Variants in STT3A observed in about 807,000 individuals in gnomAD.
STT3A encodes the protein STT3 oligosaccharyltransferase complex catalytic subunit A.
In STT3A, 34 loss-of-function variants were observed where a neutral mutation model predicts 89.2. That is an observed-to-expected ratio of 0.38 (90% CI 0.29 to 0.51). The LOEUF is 0.51. STT3A is among the 20% of genes least tolerant of loss of function. STT3A has a pLI of 0.89. For missense variants in STT3A, 555 were observed against 889.5 expected (o/e 0.62, Z 4.78); for synonymous variants, 282 against 310.3 (o/e 0.91, Z 0.96).
intron 6 of STT3A, among the ~76,000 whole-genome samples, chr11:125,604,600 T>A (rs1269693178): frequency 1.3e-5 from 2 of 152,224 alleles, no homozygotes; most frequent in African/African-American, 4.8e-5. Flanking sequence ...TTGTTGAATG[T>A]TATTGGGAAA....
chr11:125,609,668 C>T (rs1026139132), intron 10 of STT3A, 79 bp downstream of exon 10: 9 of 1,532,314 alleles, frequency 5.9e-6, no homozygotes, highest in Admixed American at 2.1e-5. Flanking sequence ...TACCCTCATT[C>T]GTGTTTTGTT....
In STT3A at chr11:125,612,623, T is replaced by A; in HGVS notation, c.1241T>A (p.Met414Lys). 1 of 1,614,220 alleles carries A rather than the reference T, an allele frequency of 6.2e-7. No homozygotes were observed. The highest frequency in any genetic ancestry group is 8.5e-7 in the Non-Finnish European group (1 of 1,180,042). The part of the protein sequence containing the change: ...VRLMLVLAPV[M>K]CILSGIGVSQ... ...CTAATGCTAGTGTTGGCACCTGTTA[T>A]GTGCATTCTCTCTGGCATTGGAGTC... Residue 414 changes from methionine to lysine, a missense_variant, in exon 12 of 18, where the codon ATG becomes AAG. Met to Lys is a moderately conservative substitution (Grantham distance 95). This residue lies in a region of STT3A where 273 missense variants were observed against 449.8 expected (regional missense o/e 0.61). Coordinates refer to ENST00000392708, the MANE Select transcript of STT3A (RefSeq NM_152713.5).
chr11:125,598,613 C>G (rs1333169375), intron 3 of STT3A, among the ~76,000 whole-genome samples: 1 of 151,794 alleles, frequency 6.6e-6, no homozygotes, highest in Non-Finnish European at 1.5e-5. Flanking sequence ...TTTGTTTTTT[C>G]TTTTTTTGTT....
chr11:125,604,758 G>C (rs1939783598), intron 6 of STT3A, among the ~76,000 whole-genome samples: 1 of 152,196 alleles, frequency 6.6e-6, no homozygotes, highest in South Asian at 2.1e-4. Flanking sequence ...CCAGTGACAG[G>C]AGATAGTACT....
At chr11:125,620,662 G>T in intron 17 of STT3A, 110 bp from the exon 18 acceptor site, 1 of 971,456 alleles carries the variant, frequency 1.0e-6, no homozygotes. Flanking sequence ...CCTAAACCAG[G>T]CTGCAGAACC....
At chr11:125,611,954 C>T (rs1262471002) in intron 11 of STT3A, among the ~76,000 whole-genome samples, 1 of 144,154 alleles carries the variant, frequency 6.9e-6, no homozygotes, top group Non-Finnish European at 1.5e-5. Context: ...CCCGGCTCAC[C>T]ACAACTGCCG....
At chr11:125,612,368 T>C (rs1940052202) in intron 11 of STT3A, among the ~76,000 whole-genome samples, 2 of 152,242 alleles carry the variant, frequency 1.3e-5, no homozygotes, top group Non-Finnish European at 2.9e-5. Context: ...ATATACTTTA[T>C]ATCATTATTC....
intron 15 of STT3A, among the ~76,000 whole-genome samples, chr11:125,615,147 G>C (rs1234994357): frequency 6.6e-6 from 1 of 152,036 alleles, no homozygotes; most frequent in Non-Finnish European, 1.5e-5. Context: ...CATGCCTGTA[G>C]TCTTAGCTAC....
Position 125,613,688 on chromosome 11 carries a change from G to A in STT3A, c.1555-399G>A, listed in dbSNP as rs1455988452. The A allele has an allele frequency of 1.7e-5, 3 of 171,868 alleles. No homozygotes were observed. Among genetic ancestry groups the A allele is most frequent in the Non-Finnish European group, 3.7e-5 (3 of 80,408 alleles). The allele number at this position is 171,868 out of a possible 1,614,324, so 10.6% of individuals were successfully genotyped here. ...AAGAGTCTCTTAATTCTTGTCCATC[G>A]TATCATGTGATTTGAGTTTCCACCC... On this transcript the variant is annotated intron_variant, in intron 13 of 17. Transcript: ENST00000392708. This position sits in a 1 kb window ranked among gnomAD's most constrained non-coding sequence, Gnocchi z 4.2.
intron 15 of STT3A, among the ~76,000 whole-genome samples, chr11:125,616,010 G>A (rs1032825695): frequency 6.6e-6 from 1 of 152,124 alleles, no homozygotes; most frequent in Non-Finnish European, 1.5e-5. Flanking sequence ...CTGCACCCCA[G>A]CCTGGGTGAC....
chr11:125,620,263 C>T (rs548338666), intron 17 of STT3A, 137 bp downstream of exon 17: 1 of 663,806 alleles, frequency 1.5e-6, no homozygotes, highest in South Asian at 2.1e-5. Context: ...CTTGCAAACT[C>T]ACTGAAAATT....
intron 8 of STT3A, 44 bp downstream of exon 8, chr11:125,606,509 A>G (rs898560344): frequency 4.4e-6 from 7 of 1,573,408 alleles, no homozygotes; most frequent in African/African-American, 2.7e-5. Flanking sequence ...TACTTTTTCT[A>G]TGCAGCCCCA....
chr11:125,621,296 G>C lies in STT3A; in HGVS notation c.*486G>C, dbSNP rs1382594704. 1 of 152,464 alleles carries C rather than the reference G, an allele frequency of 6.6e-6. No homozygotes were observed. Among genetic ancestry groups the C allele is most frequent in the East Asian group, 1.9e-4 (1 of 5,206 alleles). The allele number at this position is 152,464 out of a possible 1,614,324, so 9.4% of individuals were successfully genotyped here. A position where few individuals can be genotyped will look rare whatever the true frequency, so the allele number is the denominator to read the frequency against. ...CACCTAGTACAATTCCTTGGAAACA[G>C]CGTGGCTCAATAAATTTTTATTGAA... On this transcript the variant is annotated 3_prime_UTR_variant, in exon 18 of 18. Coordinates refer to ENST00000392708, the MANE Select transcript of STT3A (RefSeq NM_152713.5).
intron 3 of STT3A, among the ~76,000 whole-genome samples, chr11:125,600,137 G>A (rs907544081): frequency 6.7e-6 from 1 of 148,670 alleles, no homozygotes; most frequent in African/African-American, 2.5e-5. Flanking sequence ...CACAACCTCT[G>A]CCTCCCGGGT....
At chr11:125,606,510 T>C in intron 8 of STT3A, 45 bp downstream of exon 8, 2 of 1,575,146 alleles carry the variant, frequency 1.3e-6, no homozygotes, top group Non-Finnish European at 1.7e-6. Flanking sequence ...ACTTTTTCTA[T>C]GCAGCCCCAA....
At position 125,619,994 on chromosome 11, in the gene STT3A, T is replaced by C; in HGVS notation, c.1964-17T>C. 1 of 1,608,632 alleles carries C rather than the reference T, an allele frequency of 6.2e-7. No homozygotes were observed. The highest frequency in any genetic ancestry group is 8.5e-7 in the Non-Finnish European group (1 of 1,175,732). On this transcript the variant is annotated splice_polypyrimidine_tract_variant and intron_variant, in intron 16 of 17. Transcript: ENST00000392708. ...AGCACTGTAGAAAGAAGTGTGTTCTTTTTCATCCCTCTCTAGAGCGTCCTC... is the reference window on the plus strand; with the variant it reads ...AGCACTGTAGAAAGAAGTGTGTTCTCTTTCATCCCTCTCTAGAGCGTCCTC...
At chr11:125,594,669 ATAAT>A (rs2135897999) in intron 1 of STT3A, among the ~76,000 whole-genome samples, 1 of 152,264 alleles carries the variant, frequency 6.6e-6, no homozygotes, top group African/African-American at 2.4e-5. Flanking sequence ...TGCTATATAA[ATAAT>A]TCATATCTGT....
In STT3A at chr11:125,622,325, T is replaced by C; in HGVS notation, c.*1515T>C. 6.6e-6 allele frequency: 1 copy of C among 152,238 alleles called. No individual in the cohort carries two copies. The highest frequency in any genetic ancestry group is 1.9e-4 in the East Asian group (1 of 5,202). The allele number at this position is 152,238 out of a possible 1,614,324, so 9.4% of individuals were successfully genotyped here. On this transcript the variant is annotated 3_prime_UTR_variant, in exon 18 of 18. Transcript: ENST00000392708. ...GTGGGTGAGATTTAGCCTCAAGATTTGATTTACTATATGTAAGTACATTAC... is the reference window on the plus strand; with the variant it reads ...GTGGGTGAGATTTAGCCTCAAGATTCGATTTACTATATGTAAGTACATTAC...
At position 125,622,670 on chromosome 11, in the gene STT3A, GC is replaced by G; in HGVS notation, c.*1863del. The G allele has an allele frequency of 6.6e-6, 1 of 152,446 alleles. No homozygotes were observed. Among genetic ancestry groups the G allele is most frequent in the Non-Finnish European group, 1.5e-5 (1 of 68,150 alleles). The allele number at this position is 152,446 out of a possible 1,614,324, so 9.4% of individuals were successfully genotyped here. A position where few individuals can be genotyped will look rare whatever the true frequency, so the allele number is the denominator to read the frequency against. On this transcript the variant is annotated 3_prime_UTR_variant, in exon 18 of 18. Coordinates refer to ENST00000392708, the MANE Select transcript of STT3A (RefSeq NM_152713.5). ...AGGCTGAAGCATGCGGATCACTTGA[GC>G]CCAGGAGTTCAAGACCAGCCTGGGC... is the stretch of plus-strand genomic sequence containing the variant.
Sources: gnomAD v4.1 joint callset for allele counts (sites outside exome capture counted in the v4.1 genomes callset) on GRCh38, gnomAD v4.1.1 for gene constraint, gnomAD v4.1.1 regional missense constraint, Gnocchi (gnomAD v3.1) non-coding constraint, MANE v1.5 for transcripts, NCBI Gene and HGNC (gene_info 2026-07-23, HGNC 2026-07-21) for gene names.